The following FNBP1L variants were observed in gnomAD, a reference collection of about 807,000 sequenced individuals.
The protein encoded by FNBP1L is formin binding protein 1 like.
In FNBP1L, 36 loss-of-function variants were observed where a neutral mutation model predicts 91.2. That is an observed-to-expected ratio of 0.39 (90% CI 0.30 to 0.52). The LOEUF (loss-of-function observed/expected upper bound fraction) is 0.52, where lower values mean the gene tolerates loss of function less well. Ranked by LOEUF, FNBP1L falls within the 20% of genes least tolerant of loss-of-function variation. The pLI is 0.66. For synonymous variants in FNBP1L, 242 were observed against 237.0 expected (o/e 1.02, Z -0.19); for missense variants, 571 against 732.1 (o/e 0.78, Z 2.54).
intron 2 of FNBP1L, among the ~76,000 whole-genome samples, chr1:93,512,708 T>C (rs1670904305): frequency 6.6e-6 from 1 of 151,326 alleles, no homozygotes; most frequent in African/African-American, 2.4e-5. Flanking sequence ...GAAATAAAGA[T>C]GTTCTTTGAA....
chr1:93,507,758 C>T (rs1670685716), intron 2 of FNBP1L, among the ~76,000 whole-genome samples: 1 of 152,066 alleles, frequency 6.6e-6, no homozygotes, highest in African/African-American at 2.4e-5. Flanking sequence ...AAGCGATTCT[C>T]CTGCCTCAGC....
At chr1:93,542,443 G>GA (rs61650755) in intron 11 of FNBP1L, among the ~76,000 whole-genome samples, 49,347 of 82,636 alleles carry the variant, frequency 0.6, 14,972 homozygotes, top group Non-Finnish European at 0.69. Flanking sequence ...ATTGGTAAAT[G>GA]AAAAAAAAAA....
At chr1:93,542,436 G>T (rs1672076282) in intron 11 of FNBP1L, among the ~76,000 whole-genome samples, 1 of 116,876 alleles carries the variant, frequency 8.6e-6, no homozygotes. Flanking sequence ...TCTGGTGATT[G>T]GTAAATGAAA....
intron 1 of FNBP1L, among the ~76,000 whole-genome samples, chr1:93,476,959 A>C (rs1279042997): frequency 6.6e-6 from 1 of 152,210 alleles, no homozygotes; most frequent in Non-Finnish European, 1.5e-5. Context: ...TGATGAAACA[A>C]GGCAGAGAAG....
At chr1:93,453,050 A>G (rs1668547281) in intron 1 of FNBP1L, among the ~76,000 whole-genome samples, 1 of 152,186 alleles carries the variant, frequency 6.6e-6, no homozygotes, top group African/African-American at 2.4e-5. Flanking sequence ...ACCAATTCCT[A>G]TCAACCCCAT....
At chr1:93,456,802 TG>T (rs1261374351) in intron 1 of FNBP1L, among the ~76,000 whole-genome samples, 1 of 151,860 alleles carries the variant, frequency 6.6e-6, no homozygotes, top group Non-Finnish European at 1.5e-5. Flanking sequence ...TCGTTGCTTT[TG>T]GGGGAGTATT....
intron 1 of FNBP1L, among the ~76,000 whole-genome samples, chr1:93,479,716 G>A (rs1209596946): frequency 1.3e-5 from 2 of 152,186 alleles, no homozygotes; most frequent in Non-Finnish European, 2.9e-5. Flanking sequence ...TCTGCAAGAA[G>A]AAAAATATGG....
intron 9 of FNBP1L, 123 bp downstream of exon 9, chr1:93,535,031 A>G (rs1671799783): frequency 1.3e-6 from 1 of 788,446 alleles, no homozygotes. Flanking sequence ...TGAATGATTC[A>G]GTTAACCTTT....
chr1:93,463,982 A>G (rs2101690574), intron 1 of FNBP1L, among the ~76,000 whole-genome samples: 1 of 152,320 alleles, frequency 6.6e-6, no homozygotes, highest in East Asian at 1.9e-4. Flanking sequence ...CATGAATCCA[A>G]GATTCCAAGA....
At chr1:93,501,774 G>C (rs756536546) in intron 2 of FNBP1L, among the ~76,000 whole-genome samples, 4 of 152,144 alleles carry the variant, frequency 2.6e-5, no homozygotes, top group Non-Finnish European at 4.4e-5. Flanking sequence ...GAATGATCCT[G>C]CACCTTCAAG....
intron 15 of FNBP1L, among the ~76,000 whole-genome samples, chr1:93,550,639 G>T (rs1672378302): frequency 6.6e-6 from 1 of 152,164 alleles, no homozygotes; most frequent in Admixed American, 6.5e-5. Flanking sequence ...AAAAGAGTTG[G>T]AATAGTGACA....
intron 5 of FNBP1L, among the ~76,000 whole-genome samples, chr1:93,528,963 G>T (rs1013375683): frequency 3.3e-5 from 5 of 151,992 alleles, no homozygotes; most frequent in African/African-American, 1.2e-4. Context: ...GTTGTGAATA[G>T]TTTTTACAAA....
intron 1 of FNBP1L, among the ~76,000 whole-genome samples, chr1:93,463,534 A>T (rs1364909257): frequency 1.3e-5 from 2 of 152,286 alleles, no homozygotes; most frequent in Non-Finnish European, 2.9e-5. Flanking sequence ...CTGAGTTCTC[A>T]CTGATGCCTC....
At chr1:93,507,103 ACACACTCTCTCTCTCTCTCTCTCT>A (rs1670658267) in intron 2 of FNBP1L, among the ~76,000 whole-genome samples, 1 of 52,568 alleles carries the variant, frequency 1.9e-5, no homozygotes, top group Non-Finnish European at 3.3e-5. Context: ...ACACACACAC[ACACACTCTCTCTCTCTCTCTCTCT>A]CTCTCTCTCT....
chr1:93,476,012 A>AT (rs1006360035), intron 1 of FNBP1L, among the ~76,000 whole-genome samples: 2 of 151,958 alleles, frequency 1.3e-5, no homozygotes, highest in Non-Finnish European at 2.9e-5. Flanking sequence ...AGTTTTTGAG[A>AT]TTTTGCAGGT....
intron 2 of FNBP1L, among the ~76,000 whole-genome samples, chr1:93,520,392 T>A (rs891323312): frequency 6.6e-6 from 1 of 152,218 alleles, no homozygotes; most frequent in Non-Finnish European, 1.5e-5. Context: ...TTGTTTGCGA[T>A]GATGGACCAG....
intron 1 of FNBP1L, among the ~76,000 whole-genome samples, chr1:93,448,542 C>T (rs905449523): frequency 6.6e-6 from 1 of 152,262 alleles, no homozygotes; most frequent in Non-Finnish European, 1.5e-5. Flanking sequence ...GCTCGGGCGG[C>T]GCCCGGGACG....
chr1:93,538,315 A>G (rs1671913615), intron 10 of FNBP1L, among the ~76,000 whole-genome samples: 1 of 152,018 alleles, frequency 6.6e-6, no homozygotes, highest in African/African-American at 2.4e-5. Context: ...TAAAACTTAA[A>G]ACTATTTGCT....
chr1:93,552,341 G>T, intron 16 of FNBP1L, 68 bp from the exon 17 acceptor site: 2 of 1,575,862 alleles, frequency 1.3e-6, no homozygotes, highest in South Asian at 2.4e-5. Flanking sequence ...ACTTTAAACT[G>T]AACACCCCTT....
Sources: allele counts gnomAD v4.1 joint callset (sites outside exome capture counted in the v4.1 genomes callset), GRCh38; gene constraint gnomAD v4.1.1; transcripts MANE v1.5; gene names NCBI Gene and HGNC (gene_info 2026-07-23, HGNC 2026-07-21).